Variants in LRRC4C observed in about 807,000 individuals in gnomAD.
The protein encoded by LRRC4C is leucine-rich repeat-containing protein 4C.
In LRRC4C, 5 loss-of-function variants were observed where a neutral mutation model predicts 33.6. The observed-to-expected ratio is 0.15, with a 90% confidence interval of 0.08 to 0.31. The LOEUF (loss-of-function observed/expected upper bound fraction) is 0.31, where lower values mean the gene tolerates loss of function less well. LRRC4C is among the 10% of genes least tolerant of loss of function. The pLI is 1.00. For missense variants in LRRC4C, 560 were observed against 796.7 expected (o/e 0.70, Z 3.58); for synonymous variants, 329 against 302.0 (o/e 1.09, Z -0.93).
At chr11:40,123,121 A>G (rs574958152) in intron 6 of LRRC4C, among the ~76,000 whole-genome samples, 192 of 152,212 alleles carry the variant, frequency 1.3e-3, no homozygotes, top group African/African-American at 4.4e-3. Flanking sequence ...TTTATGAGCC[A>G]TATGATCTCT....
intron 1 of LRRC4C, among the ~76,000 whole-genome samples, chr11:41,215,811 A>G (rs1450592803): frequency 6.6e-6 from 1 of 152,198 alleles, no homozygotes; most frequent in East Asian, 1.9e-4. Context: ...TGATGCTGCC[A>G]TAAACATTTA....
chr11:40,445,726 T>C (rs1236265652), intron 3 of LRRC4C: 2 of 152,232 alleles, frequency 1.3e-5, no homozygotes, highest in Admixed American at 6.6e-5. Flanking sequence ...AGTGAAAAAT[T>C]TTTTTGACAT....
chr11:40,633,381 T>TC (rs1278315951), intron 3 of LRRC4C, among the ~76,000 whole-genome samples: 1,438 of 68,068 alleles, frequency 0.021, 62 homozygotes, highest in African/African-American at 0.045. Context: ...TTCTCTCTCT[T>TC]TCTTTCTTTC....
intron 5 of LRRC4C, among the ~76,000 whole-genome samples, chr11:40,221,881 A>T (rs555815032): frequency 5.2e-4 from 79 of 152,236 alleles, no homozygotes; most frequent in African/African-American, 1.8e-3. Flanking sequence ...AGCCCTTAAA[A>T]GGGACAGGAA....
At chr11:41,009,366 G>A (rs901830308) in intron 1 of LRRC4C, among the ~76,000 whole-genome samples, 6 of 152,056 alleles carry the variant, frequency 3.9e-5, no homozygotes, top group Admixed American at 1.3e-4. Context: ...TATTGGATCT[G>A]AGATGGTAAC....
At chr11:41,113,347 G>T (rs1307717762) in intron 1 of LRRC4C, among the ~76,000 whole-genome samples, 1 of 151,924 alleles carries the variant, frequency 6.6e-6, no homozygotes, top group East Asian at 1.9e-4. Flanking sequence ...ATGCTGTTGG[G>T]GAAGATGACA....
chr11:40,858,962 G>A (rs1953941240), intron 2 of LRRC4C, among the ~76,000 whole-genome samples: 1 of 152,028 alleles, frequency 6.6e-6, no homozygotes, highest in Non-Finnish European at 1.5e-5. Flanking sequence ...TAAATTCTTT[G>A]AGAGCCACAT....
intron 1 of LRRC4C, among the ~76,000 whole-genome samples, chr11:40,980,840 A>G (rs548782080): frequency 6.6e-5 from 10 of 152,348 alleles, no homozygotes; most frequent in African/African-American, 2.2e-4. Context: ...TCAAGTTTAT[A>G]TAAATGCCTA....
intron 1 of LRRC4C, among the ~76,000 whole-genome samples, chr11:41,356,220 C>G (rs531308291): frequency 1.7e-4 from 26 of 152,224 alleles, no homozygotes; most frequent in African/African-American, 6.3e-4. Flanking sequence ...TCAAAAAATG[C>G]ATACAGCAAG....
intron 1 of LRRC4C, among the ~76,000 whole-genome samples, chr11:41,376,429 T>C (rs1485952820): frequency 6.6e-6 from 1 of 152,168 alleles, no homozygotes; most frequent in African/African-American, 2.4e-5. Context: ...TCTACAAAAG[T>C]AGATCATCTC....
intron 2 of LRRC4C, among the ~76,000 whole-genome samples, chr11:40,920,881 G>A (rs1957143199): frequency 6.6e-6 from 1 of 151,490 alleles, no homozygotes; most frequent in African/African-American, 2.4e-5. Flanking sequence ...CTTAAAATGG[G>A]AAGATTATCC....
intron 1 of LRRC4C, among the ~76,000 whole-genome samples, chr11:41,317,011 A>G (rs1950816991): frequency 6.6e-6 from 1 of 152,194 alleles, no homozygotes; most frequent in Admixed American, 6.5e-5. Flanking sequence ...CAAAACTGGG[A>G]TCCTGCAAAG....
intron 3 of LRRC4C, among the ~76,000 whole-genome samples, chr11:40,369,411 C>T (rs1189223964): frequency 2.6e-5 from 4 of 152,154 alleles, no homozygotes; most frequent in African/African-American, 9.7e-5. Flanking sequence ...ATGGCGCGAT[C>T]TCGGAATCAC....
intron 2 of LRRC4C, among the ~76,000 whole-genome samples, chr11:40,769,529 C>G (rs1486727984): frequency 6.6e-6 from 1 of 152,058 alleles, no homozygotes; most frequent in Non-Finnish European, 1.5e-5. Flanking sequence ...AAACATCATC[C>G]TAAGCAAAAG....
intron 3 of LRRC4C, among the ~76,000 whole-genome samples, chr11:40,578,930 G>C (rs1958338406): frequency 6.6e-6 from 1 of 152,150 alleles, no homozygotes; most frequent in African/African-American, 2.4e-5. Flanking sequence ...TGTTAATGTT[G>C]TTCTTGATTA....
chr11:40,170,354 G>A (rs1386556653), intron 5 of LRRC4C, among the ~76,000 whole-genome samples: 3 of 152,140 alleles, frequency 2.0e-5, no homozygotes, highest in Non-Finnish European at 4.4e-5. Flanking sequence ...CATCCAAGGA[G>A]GTCCTGTAAA....
At chr11:40,903,975 C>T (rs144505281) in intron 2 of LRRC4C, among the ~76,000 whole-genome samples, 228 of 151,620 alleles carry the variant, frequency 1.5e-3, no homozygotes, top group African/African-American at 5.0e-3. Flanking sequence ...AATAAAATAC[C>T]AGTGGCAGAA....
intron 3 of LRRC4C, among the ~76,000 whole-genome samples, chr11:40,529,623 A>C (rs1352860549): frequency 6.6e-6 from 1 of 152,200 alleles, no homozygotes; most frequent in Non-Finnish European, 1.5e-5. Context: ...TTGTTGAATA[A>C]GTAGATCAAT....
chr11:40,702,950 C>T (rs1591505783), intron 2 of LRRC4C, among the ~76,000 whole-genome samples: 1 of 151,888 alleles, frequency 6.6e-6, no homozygotes, highest in African/African-American at 2.4e-5. Context: ...AAATTACTGG[C>T]CACAGAATCA....
Sources: allele counts gnomAD v4.1 joint callset (sites outside exome capture counted in the v4.1 genomes callset), GRCh38; gene constraint gnomAD v4.1.1; transcripts MANE v1.5; gene names NCBI Gene and HGNC (gene_info 2026-07-23, HGNC 2026-07-21).